GABRB1: variants seen among roughly 807,000 people sequenced by gnomAD.
The protein encoded by GABRB1 is gamma-aminobutyric acid type A receptor subunit beta1.
In GABRB1, 17 loss-of-function variants were observed where a neutral mutation model predicts 51.6. That is an observed-to-expected ratio of 0.33 (90% CI 0.23 to 0.49). The LOEUF (loss-of-function observed/expected upper bound fraction) is 0.49. Ranked by LOEUF, GABRB1 falls within the 20% of genes least tolerant of loss-of-function variation. The pLI, the probability that GABRB1 is intolerant of heterozygous loss-of-function variation, is 0.99. For missense variants in GABRB1, 410 were observed against 600.6 expected (o/e 0.68, Z 3.32); for synonymous variants, 247 against 218.9 (o/e 1.13, Z -1.14).
At chr4:47,388,232 TTAATGTATTTGATA>T (rs1490805567) in intron 5 of GABRB1, among the ~76,000 whole-genome samples, 2 of 152,242 alleles carry the variant, frequency 1.3e-5, no homozygotes, top group African/African-American at 4.8e-5. Context: ...TGAATACATT[TTAATGTATTTGATA>T]TAATGCCTGG....
intron 5 of GABRB1, among the ~76,000 whole-genome samples, chr4:47,354,996 T>TGTTTG (rs1560348653): frequency 7.2e-6 from 1 of 139,396 alleles, no homozygotes; most frequent in African/African-American, 2.7e-5. Context: ...TTTTTTTTTT[T>TGTTTG]TTTTTTTTTG....
chr4:47,102,938 T>C (rs1714783838), intron 3 of GABRB1, among the ~76,000 whole-genome samples: 1 of 151,972 alleles, frequency 6.6e-6, no homozygotes, highest in African/African-American at 2.4e-5. Context: ...GGGGGTAGAA[T>C]TAATATGACT....
At chr4:47,268,776 G>A (rs1370418573) in intron 4 of GABRB1, among the ~76,000 whole-genome samples, 2 of 152,176 alleles carry the variant, frequency 1.3e-5, no homozygotes, top group Admixed American at 6.5e-5. Context: ...GCTAGCTGAA[G>A]TAGAACTTTT....
At chr4:47,082,673 A>C (rs1560525873) in intron 3 of GABRB1, among the ~76,000 whole-genome samples, 1 of 152,070 alleles carries the variant, frequency 6.6e-6, no homozygotes, top group Non-Finnish European at 1.5e-5. Context: ...AAGTCTAAGA[A>C]CCTTAGTTTC....
chr4:47,072,869 ATGC>A (rs1400182690), intron 3 of GABRB1, among the ~76,000 whole-genome samples: 1 of 152,208 alleles, frequency 6.6e-6, no homozygotes, highest in Non-Finnish European at 1.5e-5. Flanking sequence ...ACTTAAATTA[ATGC>A]TGCTATTTAA....
chr4:47,317,935 T>C (rs1724949446), intron 4 of GABRB1, among the ~76,000 whole-genome samples: 2 of 152,002 alleles, frequency 1.3e-5, no homozygotes, highest in Non-Finnish European at 1.5e-5. Context: ...TTTAATGTGC[T>C]ATTGAATTTA....
chr4:47,176,794 C>A (rs1417229461), intron 4 of GABRB1, among the ~76,000 whole-genome samples: 1 of 152,098 alleles, frequency 6.6e-6, no homozygotes, highest in Non-Finnish European at 1.5e-5. Flanking sequence ...ACCATTCATT[C>A]TTCATAATGG....
At chr4:47,288,551 C>A (rs1364576633) in intron 4 of GABRB1, among the ~76,000 whole-genome samples, 1 of 152,136 alleles carries the variant, frequency 6.6e-6, no homozygotes. Context: ...TGTGAGCCAC[C>A]ATGCCCAGCC....
rs1448318822 is a variant in GABRB1, at chr4:47,354,959, CCTTT to C, written c.544+34762_544+34765del. ...TGCCTGCCTTCCTTTCTCTCTCCTT[CCTTT>C]CTTTCTTTCTTCCTTTGTTTTTTTT... On this transcript the variant is annotated intron_variant, in intron 5 of 8. Transcript: ENST00000295454. Among the ~76,000 whole-genome samples, 276 of 132,266 alleles carry C rather than the reference CCTTT, an allele frequency of 2.1e-3. 14 individuals carry two copies. The highest frequency in any genetic ancestry group is 7.9e-3 in the African/African-American group (256 of 32,400). 86.8% of individuals were successfully genotyped at this position (132,266 alleles called of 152,430 possible).
chr4:47,060,843 C>T (rs1303590821), intron 3 of GABRB1, among the ~76,000 whole-genome samples: 1 of 152,168 alleles, frequency 6.6e-6, no homozygotes, highest in Non-Finnish European at 1.5e-5. Context: ...ACCATTTCTT[C>T]ATTTCTTCAT....
At chr4:47,328,212 G>A (rs924350864) in intron 5 of GABRB1, among the ~76,000 whole-genome samples, 8 of 151,886 alleles carry the variant, frequency 5.3e-5, no homozygotes, top group African/African-American at 1.9e-4. Context: ...CTGGATATTA[G>A]CCCTTTGTCA....
intron 4 of GABRB1, among the ~76,000 whole-genome samples, chr4:47,214,111 T>C (rs765749207): frequency 6.6e-6 from 1 of 152,144 alleles, no homozygotes; most frequent in Non-Finnish European, 1.5e-5. Flanking sequence ...GTAGAATGCA[T>C]TAGTCATAAA....
intron 4 of GABRB1, among the ~76,000 whole-genome samples, chr4:47,162,740 C>A (rs1718016123): frequency 6.6e-6 from 1 of 152,040 alleles, no homozygotes; most frequent in Non-Finnish European, 1.5e-5. Context: ...ACTCCACTGC[C>A]ATTCAAGTGC....
intron 5 of GABRB1, among the ~76,000 whole-genome samples, chr4:47,333,107 T>C (rs1725546774): frequency 1.4e-5 from 2 of 146,586 alleles, no homozygotes; most frequent in Non-Finnish European, 3.0e-5. Flanking sequence ...TATTTTTATA[T>C]TCATATATTT....
intron 4 of GABRB1, among the ~76,000 whole-genome samples, chr4:47,249,995 ATTTTTGT>A (rs1341564624): frequency 6.6e-6 from 1 of 151,720 alleles, no homozygotes; most frequent in African/African-American, 2.4e-5. Flanking sequence ...GTACTTTGGT[ATTTTTGT>A]TTTTTGTTTT....
At chr4:47,322,384 A>AGGTTT (rs1725116173) in intron 5 of GABRB1, among the ~76,000 whole-genome samples, 2 of 152,206 alleles carry the variant, frequency 1.3e-5, no homozygotes, top group African/African-American at 4.8e-5. Flanking sequence ...TACTTACCTA[A>AGGTTT]AACAAAGCAA....
chr4:47,028,539 A>G (rs1235887634), upstream of GABRB1, among the ~76,000 whole-genome samples: 1 of 151,710 alleles, frequency 6.6e-6, no homozygotes, highest in African/African-American at 2.4e-5. Context: ...TCACTTCGTT[A>G]TCAGTTTTGA....
intron 5 of GABRB1, among the ~76,000 whole-genome samples, chr4:47,384,046 A>G (rs1727688298): frequency 6.6e-6 from 1 of 152,138 alleles, no homozygotes; most frequent in Non-Finnish European, 1.5e-5. Context: ...ATATTTAAAT[A>G]ACTTTGATGT....
intron 8 of GABRB1, among the ~76,000 whole-genome samples, 194 bp from the exon 9 acceptor site, chr4:47,425,480 T>TAGATAGATAGATA (rs112418414): frequency 2.8e-5 from 4 of 142,318 alleles, no homozygotes; most frequent in African/African-American, 1.1e-4. Flanking sequence ...TGGATGATGA[T>TAGATAGATAGATA]GATAGATAGA....
Sources: gnomAD v4.1 joint callset for allele counts (sites outside exome capture counted in the v4.1 genomes callset) on GRCh38, gnomAD v4.1.1 for gene constraint, MANE v1.5 for transcripts, NCBI Gene and HGNC (gene_info 2026-07-23, HGNC 2026-07-21) for gene names.